PHKB: variants seen among roughly 807,000 people sequenced by gnomAD.
PHKB encodes the protein phosphorylase b kinase regulatory subunit beta.
A neutral mutation model predicts 152.1 loss-of-function variants in PHKB; 122 were observed. The observed-to-expected ratio is 0.80, with a 90% CI of 0.69 to 0.93. PHKB has a LOEUF of 0.93. Among genes scored for constraint, PHKB ranks in the 40% least tolerant of loss-of-function variants. PHKB has a pLI of 0.00. For synonymous variants in PHKB, 436 were observed against 464.9 expected, an observed-to-expected ratio of 0.94 and a Z score of 0.80; for missense variants, 1,304 against 1,328.4, an observed-to-expected ratio of 0.98 and a Z score of 0.29.
At chr16:47,461,725 G>A (rs1020584112) in intron 1 of PHKB, among the ~76,000 whole-genome samples, 3 of 152,158 alleles carry the variant, frequency 2.0e-5, no homozygotes, top group Non-Finnish European at 2.9e-5. Context: ...AAAATCGGGC[G>A]GCGGCACATT....
chr16:47,549,944 A>G (rs1260267411), intron 7 of PHKB, among the ~76,000 whole-genome samples: 1 of 152,148 alleles, frequency 6.6e-6, no homozygotes, highest in Non-Finnish European at 1.5e-5. Context: ...TTTTTGTAGT[A>G]GGCCGATTTT....
At chr16:47,492,185 T>G (rs1970161164) in intron 1 of PHKB, among the ~76,000 whole-genome samples, 1 of 152,188 alleles carries the variant, frequency 6.6e-6, no homozygotes, top group Non-Finnish European at 1.5e-5. Flanking sequence ...GCCACGTGGT[T>G]GCAGGCCTTG....
At chr16:47,639,223 G>A (rs1043162561) in intron 14 of PHKB, among the ~76,000 whole-genome samples, 10 of 152,228 alleles carry the variant, frequency 6.6e-5, no homozygotes, top group Middle Eastern at 6.8e-3. Flanking sequence ...GCAGTGAGCC[G>A]TGATCACTCC....
At chr16:47,494,620 T>C (rs112763500) in intron 1 of PHKB, among the ~76,000 whole-genome samples, 1,587 of 152,356 alleles carry the variant, frequency 0.01, 36 homozygotes, top group African/African-American at 0.036. Flanking sequence ...CTATCATTGA[T>C]AAGTTTTATT....
At chr16:47,621,172 A>C (rs992751674) in intron 14 of PHKB, among the ~76,000 whole-genome samples, 1 of 152,174 alleles carries the variant, frequency 6.6e-6, no homozygotes, top group African/African-American at 2.4e-5. Context: ...ATCCCCTTCC[A>C]GCGCTTCTGT....
intron 1 of PHKB, among the ~76,000 whole-genome samples, chr16:47,473,245 T>A (rs886505944): frequency 1.5e-5 from 2 of 131,488 alleles, no homozygotes; most frequent in Admixed American, 7.6e-5. Context: ...TTTTTTTTTT[T>A]TTTTTTTATT....
chr16:47,687,707 C>T (rs1404160808), intron 26 of PHKB, among the ~76,000 whole-genome samples: 1 of 152,148 alleles, frequency 6.6e-6, no homozygotes, highest in East Asian at 1.9e-4. Flanking sequence ...TATAATCCAT[C>T]TCAGTGTTAC....
At chr16:47,678,852 G>A (rs1353521656) in intron 26 of PHKB, among the ~76,000 whole-genome samples, 10 of 152,120 alleles carry the variant, frequency 6.6e-5, no homozygotes, top group African/African-American at 1.4e-4. Context: ...GCCCATGCCT[G>A]TGTCCTGAAT....
chr16:47,585,417 A>C lies in PHKB; in HGVS notation c.775-2251A>C, dbSNP rs143474104. Among the ~76,000 whole-genome samples the C allele has an allele frequency of 3.9e-3, 600 of 152,352 alleles. 3 individuals are homozygous for C. Among genetic ancestry groups the C allele is most frequent in the African/African-American group, 0.014 (573 of 41,580 alleles). ...AGTGTTCAAAGCAGTGCAGACATCT[A>C]GCTTCCTTTGAAATTTGCAGGCCTT... On this transcript the variant is annotated intron_variant, in intron 8 of 30. Transcript: ENST00000323584.
At chr16:47,503,531 T>C (rs1353946948) in intron 4 of PHKB, among the ~76,000 whole-genome samples, 1 of 152,190 alleles carries the variant, frequency 6.6e-6, no homozygotes, top group East Asian at 1.9e-4. Context: ...AATTATAGGC[T>C]TAGAAAACAG....
At chr16:47,605,802 T>C (rs1266578596) in intron 13 of PHKB, among the ~76,000 whole-genome samples, 4 of 152,232 alleles carry the variant, frequency 2.6e-5, no homozygotes, top group Non-Finnish European at 5.9e-5. Context: ...AAATAGTTTT[T>C]TTTATTTCAT....
At chr16:47,503,926 A>G (rs996994430) in intron 4 of PHKB, among the ~76,000 whole-genome samples, 11 of 152,368 alleles carry the variant, frequency 7.2e-5, no homozygotes, top group Admixed American at 5.2e-4. Context: ...ATAAAGCTCT[A>G]TACAAATATA....
chr16:47,578,311 G>A (rs1971783299), intron 7 of PHKB, among the ~76,000 whole-genome samples: 1 of 152,038 alleles, frequency 6.6e-6, no homozygotes, highest in African/African-American at 2.4e-5. Flanking sequence ...CTCAACGTTA[G>A]CATCCATTGA....
chr16:47,477,995 T>C (rs940886687), intron 1 of PHKB, among the ~76,000 whole-genome samples: 4 of 152,112 alleles, frequency 2.6e-5, no homozygotes, highest in Non-Finnish European at 5.9e-5. Context: ...GAAAATTATA[T>C]ACTTTTAAAT....
intron 26 of PHKB, among the ~76,000 whole-genome samples, chr16:47,673,574 T>G (rs1973673550): frequency 6.6e-6 from 1 of 152,136 alleles, no homozygotes; most frequent in Admixed American, 6.6e-5. Context: ...ATGGTGTAAT[T>G]AATCATATCA....
At chr16:47,486,217 G>A (rs1350809188) in intron 1 of PHKB, among the ~76,000 whole-genome samples, 6 of 152,178 alleles carry the variant, frequency 3.9e-5, no homozygotes, top group African/African-American at 1.2e-4. Flanking sequence ...ATTAACTGCT[G>A]TGGGAATTAA....
In PHKB at chr16:47,699,793, A is replaced by G. The variant is rs1974217118; in HGVS notation, c.*427A>G. ...ACTGAAAGAATGGTGAACTTCTCTT[A>G]GTGGTATTGTCATGCTAAAAGATGT... On this transcript the variant is annotated 3_prime_UTR_variant, in exon 31 of 31. Coordinates refer to ENST00000323584, the MANE Select transcript of PHKB (RefSeq NM_000293.3). The G allele has an allele frequency of 4.1e-6, 1 of 242,218 alleles. No individual in the cohort carries two copies. 15.0% of individuals were successfully genotyped at this position (242,218 alleles called of 1,614,324 possible). A position where few individuals can be genotyped will look rare whatever the true frequency, so the allele number is the denominator to read the frequency against.
chr16:47,660,426 A>G (rs370421155), intron 20 of PHKB, 80 bp from the exon 21 acceptor site: 38 of 1,080,620 alleles, frequency 3.5e-5, no homozygotes, highest in East Asian at 2.1e-4. Flanking sequence ...TTACTTAATT[A>G]CAGAAAGGTA....
rs757384673 is a variant in PHKB at position 47,696,407 on chromosome 16, G to A, written c.2922G>A (p.Met974Ile). ...AACCAACCCTGTCAGATATGACCAT[G>A]TATGAGATGAATTTCTCTCTCCTTG... ...PQQPTLSDMT[M>I]YEMNFSLLVE... The change falls in exon 29 of 31, where the codon ATG becomes ATA. Residue 974 changes from methionine to isoleucine, a missense_variant. By Grantham distance (10) the Met-to-Ile change is conservative. Transcript: ENST00000323584. 5 of 1,606,794 alleles carry A rather than the reference G, an allele frequency of 3.1e-6. No individual in the cohort carries two copies. The highest frequency in any genetic ancestry group is 1.7e-5 in the Admixed American group (1 of 59,992).
Sources: allele counts gnomAD v4.1 joint callset (sites outside exome capture counted in the v4.1 genomes callset), GRCh38; gene constraint gnomAD v4.1.1; transcripts MANE v1.5; gene names NCBI Gene and HGNC (gene_info 2026-07-23, HGNC 2026-07-21).